The following DAB2IP variants were observed in gnomAD, a reference collection of about 807,000 sequenced individuals.
DAB2IP encodes disabled homolog 2-interacting protein.
In DAB2IP, 28 loss-of-function variants were observed where a neutral mutation model predicts 107.2. The ratio of observed to expected loss-of-function variants is 0.26; its 90% CI spans 0.19 to 0.36. The LOEUF is 0.36. DAB2IP is among the 10% of genes least tolerant of loss of function. The pLI is 1.00. For missense variants in DAB2IP, 1,400 were observed against 1,644.7 expected (o/e 0.85, Z 2.57); for synonymous variants, 755 against 706.4 (o/e 1.07, Z -1.09).
At position 121,714,235 on chromosome 9, in the gene DAB2IP, C is replaced by T. The variant is rs191462080; in HGVS notation, c.362+14777C>T. On this transcript the variant is annotated intron_variant, in intron 3 of 15. Transcript: ENST00000408936. ...CAAGACACATGAAGTGATGTTTGTG[C>T]TGACATTTCTCCCACTTAGAAAATC... Among the ~76,000 whole-genome samples the T allele has an allele frequency of 2.8e-4, 43 of 152,342 alleles. No homozygotes were observed. In the East Asian group the frequency reaches 7.9e-3, roughly 28 times the overall value.
chr9:121,754,822 C>G (rs1437905359), intron 3 of DAB2IP, among the ~76,000 whole-genome samples: 1 of 152,148 alleles, frequency 6.6e-6, no homozygotes, highest in Non-Finnish European at 1.5e-5. Context: ...TGCCTCGCCT[C>G]TCCTCTCCAC....
At position 121,760,378 on chromosome 9, in the gene DAB2IP, A is replaced by G. The variant is rs192522695; in HGVS notation, c.1109A>G (p.Lys370Arg). 4 of 1,611,150 alleles carry G rather than the reference A, an allele frequency of 2.5e-6. No homozygotes were observed. The South Asian group carries it at 3.3e-5, about 13-fold the overall frequency. ...GCCCTCGAGCCCATCCTCAGTGCCA[A>G]GACCAAGGAGGAGATGGCATCTGCC... The change falls in exon 6 of 16, where the codon AAG becomes AGG. Residue 370 changes from lysine to arginine, a missense_variant. Lys to Arg is a conservative substitution (Grantham distance 26). Around this residue, in one of 3 missense-constraint regions of DAB2IP, gnomAD observed 517 missense variants for 748.6 expected, o/e 0.69. Transcript: ENST00000408936. The surrounding 1 kb of genome is among the most constrained non-coding windows in gnomAD (Gnocchi z 5.9).
chr9:121,644,235 G>A (rs1040683488), intron 1 of DAB2IP, among the ~76,000 whole-genome samples: 45 of 150,848 alleles, frequency 3.0e-4, no homozygotes, highest in Non-Finnish European at 5.9e-4. Context: ...AAGGGGAAGA[G>A]GAAGGAAACA....
At chr9:121,602,202 T>G (rs1830706029) in intron 1 of DAB2IP, among the ~76,000 whole-genome samples, 1 of 152,182 alleles carries the variant, frequency 6.6e-6, no homozygotes, top group African/African-American at 2.4e-5. Context: ...TTCTAGGGCT[T>G]TCTCCCAACT....
At position 121,635,009 on chromosome 9, in the gene DAB2IP, T is replaced by G. The variant is rs1832033966; in HGVS notation, c.41-43669T>G. Among the ~76,000 whole-genome samples the G allele has an allele frequency of 6.6e-6, 1 of 152,118 alleles. No individual in the cohort carries two copies. Among genetic ancestry groups the G allele is most frequent in the Non-Finnish European group, 1.5e-5 (1 of 68,024 alleles). ...AGTGCGGCCCACCCAGCCTCAGACC[T>G]GTGTATATGTGTGTGTGTGTGCGCG... is the stretch of plus-strand genomic sequence containing the variant. On this transcript the variant is annotated intron_variant, in intron 1 of 16. Coordinates refer to the DAB2IP transcript ENST00000259371. This position sits in a 1 kb window ranked among gnomAD's most constrained non-coding sequence, Gnocchi z 4.3.
chr9:121,669,533 G>T (rs764209721), intron 1 of DAB2IP, among the ~76,000 whole-genome samples: 3 of 152,182 alleles, frequency 2.0e-5, no homozygotes, highest in African/African-American at 7.2e-5. Context: ...GGGGGAGGTC[G>T]AAGGGAGTGG....
chr9:121,597,839 C>T (rs79486744), intron 1 of DAB2IP, among the ~76,000 whole-genome samples: 2,572 of 152,240 alleles, frequency 0.017, 133 homozygotes, highest in Admixed American at 0.1. Flanking sequence ...GCATATGCTC[C>T]GAAGACTTCC....
intron 3 of DAB2IP, among the ~76,000 whole-genome samples, chr9:121,741,000 G>A (rs2118895168): frequency 6.6e-6 from 1 of 152,288 alleles, no homozygotes; most frequent in Admixed American, 6.5e-5. Context: ...CTGGGGGTGA[G>A]GTAGTAAGGG....
At chr9:121,697,815 G>C (rs893521368) in intron 2 of DAB2IP, among the ~76,000 whole-genome samples, 1 of 152,206 alleles carries the variant, frequency 6.6e-6, no homozygotes, top group Admixed American at 6.5e-5. Flanking sequence ...GATATGAATG[G>C]CTGAGGAAGG....
chr9:121,658,228 G>T (rs1402606399), intron 1 of DAB2IP, among the ~76,000 whole-genome samples: 1 of 152,204 alleles, frequency 6.6e-6, no homozygotes, highest in Non-Finnish European at 1.5e-5. Flanking sequence ...AAAGGCAATG[G>T]CTGTGATATT....
At chr9:121,758,317 G>A (rs1396197323) in intron 4 of DAB2IP, among the ~76,000 whole-genome samples, 2 of 152,122 alleles carry the variant, frequency 1.3e-5, no homozygotes, top group Non-Finnish European at 2.9e-5. Context: ...AGGGACTGGG[G>A]ACCCTAGGGC....
At chr9:121,762,707 C>G (rs1445582175) in intron 6 of DAB2IP, among the ~76,000 whole-genome samples, 1 of 152,198 alleles carries the variant, frequency 6.6e-6, no homozygotes, top group Non-Finnish European at 1.5e-5. Context: ...GAAACTATGA[C>G]AGTTTTTCCT....
chr9:121,712,345 C>G (rs924885798), intron 3 of DAB2IP, among the ~76,000 whole-genome samples: 2 of 152,206 alleles, frequency 1.3e-5, no homozygotes, highest in Non-Finnish European at 1.5e-5. Flanking sequence ...GTGTGATCAG[C>G]TGTTGTGGGG....
At chr9:121,585,579 G>T (rs1050646798) in intron 1 of DAB2IP, among the ~76,000 whole-genome samples, 3 of 152,200 alleles carry the variant, frequency 2.0e-5, no homozygotes, top group African/African-American at 7.2e-5. Flanking sequence ...AAGATTGGCT[G>T]GGCGCGGTGG....
At chr9:121,768,358 T>C in intron 9 of DAB2IP, 74 bp from the exon 10 acceptor site, 1 of 1,483,890 alleles carries the variant, frequency 6.7e-7, no homozygotes, top group Non-Finnish European at 9.4e-7. Flanking sequence ...CGGGTGGTGG[T>C]GTCCCAGTGG....
intron 1 of DAB2IP, among the ~76,000 whole-genome samples, chr9:121,624,632 A>T (rs1831577989): frequency 6.6e-6 from 1 of 152,216 alleles, no homozygotes; most frequent in Non-Finnish European, 1.5e-5. Flanking sequence ...CAGTACAGTA[A>T]CATGCTGTAC....
chr9:121,651,540 C>G (rs898266517), upstream of DAB2IP: 41 of 498,136 alleles, frequency 8.2e-5, no homozygotes, highest in Non-Finnish European at 1.1e-4. The surrounding 1 kb of genome is among the most constrained non-coding windows in gnomAD (Gnocchi z 5.1). Flanking sequence ...CTTTCCGGGC[C>G]GGTGCCAGCC....
chr9:121,675,263 G>T (rs542018030), intron 1 of DAB2IP, among the ~76,000 whole-genome samples: 1 of 152,206 alleles, frequency 6.6e-6, no homozygotes, highest in Admixed American at 6.5e-5. Flanking sequence ...TTCCAGGGAA[G>T]AGAATTCTAG....
intron 1 of DAB2IP, among the ~76,000 whole-genome samples, chr9:121,602,793 C>A (rs574313487): frequency 1.3e-5 from 2 of 152,188 alleles, no homozygotes; most frequent in African/African-American, 2.4e-5. Context: ...GCCAGGATGG[C>A]CTTGATCTCC....
Sources: allele counts gnomAD v4.1 joint callset (sites outside exome capture counted in the v4.1 genomes callset), GRCh38; gene constraint gnomAD v4.1.1; regional missense constraint gnomAD v4.1.1; non-coding constraint Gnocchi (gnomAD v3.1); transcripts MANE v1.5; gene names NCBI Gene and HGNC (gene_info 2026-07-23, HGNC 2026-07-21).